The following CSMD1 variants were observed in gnomAD, a reference collection of about 807,000 sequenced individuals.
CSMD1 encodes CUB and Sushi multiple domains 1, also known as CUB and sushi domain-containing protein 1.
A neutral mutation model predicts 417.5 loss-of-function variants in CSMD1; 213 were observed. The observed-to-expected ratio is 0.51, with a 90% CI of 0.46 to 0.57. The LOEUF is 0.57. Ranked by LOEUF, CSMD1 falls within the 20% of genes least tolerant of loss-of-function variation. The pLI is 0.00. For missense variants in CSMD1, 6,923 were observed against 4,529.7 expected, an observed-to-expected ratio of 1.53 and a Z score of -15.17; for synonymous variants, 2,862 against 1,736.8, an observed-to-expected ratio of 1.65 and a Z score of -16.11.
chr8:4,007,997 T>C (rs1196344485), intron 4 of CSMD1, among the ~76,000 whole-genome samples: 2 of 152,214 alleles, frequency 1.3e-5, no homozygotes, highest in South Asian at 4.1e-4. Flanking sequence ...TTCATAATTG[T>C]AGCAATCCAT....
intron 3 of CSMD1, among the ~76,000 whole-genome samples, chr8:4,039,585 C>G (rs575947713): frequency 6.6e-6 from 1 of 152,138 alleles, no homozygotes; most frequent in African/African-American, 2.4e-5. Context: ...ATGCCTTCTA[C>G]TTTCAAAAAG....
rs139782538 is a variant in CSMD1, at chr8:3,825,141, A to G, written c.819-71099T>C. 1.1e-3 allele frequency among the ~76,000 whole-genome samples: 170 copies of G among 152,084 alleles called. 1 individual carries two copies. Among genetic ancestry groups the G allele is most frequent in the South Asian group, 4.8e-3 (23 of 4,810 alleles). On this transcript the variant is annotated intron_variant, in intron 5 of 69. Coordinates refer to ENST00000635120, the MANE Select transcript of CSMD1 (RefSeq NM_033225.6). ...TGATTTGAAAGGAAGCACAGGGGAG[A>G]TTTCTCATTCTCTTTCCCAGAAGCT...
At chr8:3,316,653 T>A (rs1039334783) in intron 23 of CSMD1, among the ~76,000 whole-genome samples, 9 of 152,010 alleles carry the variant, frequency 5.9e-5, no homozygotes, top group African/African-American at 2.2e-4. Context: ...TACAGGAACA[T>A]TTGTATATGC....
intron 5 of CSMD1, among the ~76,000 whole-genome samples, chr8:3,869,878 G>T (rs918887367): frequency 2.0e-5 from 3 of 151,774 alleles, no homozygotes; most frequent in Admixed American, 6.5e-5. Context: ...ATCTAATTTT[G>T]TATCAGTAGT....
intron 5 of CSMD1, among the ~76,000 whole-genome samples, chr8:3,779,601 G>A (rs1243595421): frequency 6.6e-6 from 1 of 152,050 alleles, no homozygotes; most frequent in Non-Finnish European, 1.5e-5. Context: ...GAATAACCGG[G>A]TATTTTAATA....
chr8:4,308,922 T>G (rs967843388), intron 3 of CSMD1, among the ~76,000 whole-genome samples: 4 of 152,184 alleles, frequency 2.6e-5, no homozygotes, highest in African/African-American at 9.7e-5. Context: ...AAAGGTCCAT[T>G]TATTTCTCCT....
At chr8:4,600,369 A>G (rs1800517696) in intron 2 of CSMD1, among the ~76,000 whole-genome samples, 2 of 152,224 alleles carry the variant, frequency 1.3e-5, no homozygotes, top group African/African-American at 2.4e-5. Context: ...GGTGAAGTTT[A>G]AAGATATAGC....
At chr8:3,277,210 G>A (rs996862390) in intron 26 of CSMD1, among the ~76,000 whole-genome samples, 1 of 152,130 alleles carries the variant, frequency 6.6e-6, no homozygotes, top group African/African-American at 2.4e-5. Context: ...GTTTTCAGAG[G>A]GTTTTGTGGC....
intron 3 of CSMD1, among the ~76,000 whole-genome samples, chr8:4,133,783 C>A (rs1475765020): frequency 4.6e-5 from 7 of 151,900 alleles, no homozygotes; most frequent in Admixed American, 3.3e-4. Context: ...TAAATATATC[C>A]CTTATCTATA....
At chr8:4,925,245 T>C (rs12541023) in intron 1 of CSMD1, among the ~76,000 whole-genome samples, 2 of 94,866 alleles carry the variant, frequency 2.1e-5, no homozygotes, top group African/African-American at 7.8e-5. Context: ...TTTTTTGCAG[T>C]GTGGCCCACT....
At chr8:3,189,572 T>A (rs755262887) in intron 34 of CSMD1, among the ~76,000 whole-genome samples, 10 of 152,198 alleles carry the variant, frequency 6.6e-5, no homozygotes, top group Non-Finnish European at 1.3e-4. Context: ...ACCAATTTAT[T>A]AAAAGGACGT....
intron 1 of CSMD1, among the ~76,000 whole-genome samples, chr8:4,976,907 A>G (rs1421475257): frequency 6.6e-6 from 1 of 152,194 alleles, no homozygotes; most frequent in Non-Finnish European, 1.5e-5. Flanking sequence ...ACATAAAAAA[A>G]AATCCTCCAG....
rs772619756 is a variant in CSMD1, at chr8:3,230,068, A to G, written c.4317T>C (p.Phe1439=). 2.2e-5 allele frequency: 36 copies of G among 1,609,190 alleles called. No individual in the cohort carries two copies. Among genetic ancestry groups the G allele is most frequent in the Non-Finnish European group, 2.9e-5 (34 of 1,177,522 alleles). Residue 1439 remains phenylalanine, a synonymous_variant, in exon 27 of 70, where the codon TTT becomes TTC. Transcript: ENST00000635120. ...ITCVQLNNRF[F]WQPDPPTCIA... ...TGCATGTAGGAGGGTCTGGTTGCCA[A>G]AAGAACCGGTTATTCAGCTGCACAC...
chr8:4,569,934 C>T (rs13257033), intron 2 of CSMD1, among the ~76,000 whole-genome samples: 56,703 of 151,968 alleles, frequency 0.37, 11,860 homozygotes, highest in East Asian at 0.53. Context: ...TATGATTTGG[C>T]TCTCTGTCTA....
At chr8:2,973,349 T>A in intron 56 of CSMD1, 50 bp from the exon 57 acceptor site, 1 of 1,558,650 alleles carries the variant, frequency 6.4e-7, no homozygotes, top group Non-Finnish European at 8.8e-7. Context: ...TAGACTTGTT[T>A]TAAGCAGAGT....
intron 49 of CSMD1, among the ~76,000 whole-genome samples, chr8:3,055,818 G>C (rs534926151): frequency 6.6e-6 from 1 of 152,270 alleles, no homozygotes; most frequent in Middle Eastern, 3.4e-3. Context: ...TCAGACTTCT[G>C]AGTCAGTTCT....
At chr8:3,590,441 A>C (rs1800797814) in intron 8 of CSMD1, among the ~76,000 whole-genome samples, 1 of 152,132 alleles carries the variant, frequency 6.6e-6, no homozygotes, top group Non-Finnish European at 1.5e-5. Context: ...ATTTCCACCA[A>C]AGGAAAGTTT....
chr8:4,842,813 T>C (rs1479220657), intron 1 of CSMD1, among the ~76,000 whole-genome samples: 1 of 152,232 alleles, frequency 6.6e-6, no homozygotes, highest in African/African-American at 2.4e-5. Flanking sequence ...TTCAAAACAG[T>C]GAGTCACTTT....
At chr8:3,337,780 G>T (rs1807367681) in intron 23 of CSMD1, among the ~76,000 whole-genome samples, 1 of 152,144 alleles carries the variant, frequency 6.6e-6, no homozygotes, top group Non-Finnish European at 1.5e-5. Flanking sequence ...AGCCTATAGG[G>T]ATCTGATTAT....
Sources: allele counts gnomAD v4.1 joint callset (sites outside exome capture counted in the v4.1 genomes callset), GRCh38; gene constraint gnomAD v4.1.1; transcripts MANE v1.5; gene names NCBI Gene and HGNC (gene_info 2026-07-23, HGNC 2026-07-21).